Variants in CDC123 observed in about 807,000 individuals in gnomAD.
The protein encoded by CDC123 is translation initiation factor eIF2 assembly protein.
CDC123 carries 37 observed loss-of-function variants against 54.4 expected under a neutral mutation model. The ratio of observed to expected loss-of-function variants is 0.68; its 90% confidence interval spans 0.52 to 0.89. The LOEUF (loss-of-function observed/expected upper bound fraction) is 0.89. CDC123 is among the 40% of genes least tolerant of loss of function. CDC123 has a pLI of 0.00. For missense variants in CDC123, 361 were observed against 412.1 expected (o/e 0.88, Z 1.07); for synonymous variants, 144 against 136.8 (o/e 1.05, Z -0.37).
chr10:12,235,242 A>G (rs1835963376), intron 8 of CDC123, 119 bp downstream of exon 8: 9 of 788,834 alleles, frequency 1.1e-5, no homozygotes, highest in Non-Finnish European at 1.9e-5. Context: ...TTTTCATCTC[A>G]GATGCCACCT....
intron 5 of CDC123, 60 bp from the exon 6 acceptor site, chr10:12,217,301 T>G: frequency 6.5e-7 from 1 of 1,533,734 alleles, no homozygotes; most frequent in South Asian, 1.2e-5. Flanking sequence ...GTTATAGGCC[T>G]GAGCATTCAT....
At position 12,198,680 on chromosome 10, in the gene CDC123, G is replaced by A. The variant is rs1220211704; in HGVS notation, c.75-25G>A. The A allele has an allele frequency of 2.3e-6, 3 of 1,308,692 alleles. No individual in the cohort carries two copies. The Admixed American group carries it at 5.6e-5, about 25-fold the overall frequency. 81.1% of individuals were successfully genotyped at this position (1,308,692 alleles called of 1,614,324 possible). A position where few individuals can be genotyped will look rare whatever the true frequency, so the allele number is the denominator to read the frequency against. Reference sequence around the variant, plus strand: ...CTTATAGTTGGTCTTTTAAAATGATGCCTTTTTTGGTGTTTTTTTTTTAGT... The same window carrying A: ...CTTATAGTTGGTCTTTTAAAATGATACCTTTTTTGGTGTTTTTTTTTTAGT... On this transcript the variant is annotated intron_variant, in intron 1 of 12. Transcript: ENST00000281141.
intron 6 of CDC123, among the ~76,000 whole-genome samples, chr10:12,223,988 A>G (rs1835771146): frequency 6.6e-6 from 1 of 152,092 alleles, no homozygotes; most frequent in African/African-American, 2.4e-5. Flanking sequence ...ACTGTACCCA[A>G]CGTGTAGTCT....
At chr10:12,223,498 C>G (rs1298252970) in intron 6 of CDC123, among the ~76,000 whole-genome samples, 6 of 152,098 alleles carry the variant, frequency 3.9e-5, no homozygotes, top group Non-Finnish European at 8.8e-5. Context: ...GTTGGCCAGG[C>G]TGGTCTTGAA....
rs532294426 is a variant in CDC123 at position 12,249,422 on chromosome 10, C to T, written c.847-159C>T. Among the ~76,000 whole-genome samples the T allele has an allele frequency of 1.1e-4, 17 of 152,294 alleles. No individual in the cohort carries two copies. The South Asian group carries it at 2.9e-3, about 26-fold the overall frequency. On this transcript the variant is annotated intron_variant, in intron 11 of 12. Transcript: ENST00000281141. ...AGCTGGAATTACAGACGTGAGCCAC[C>T]GTGCCCGGCTCATTTTAACTTAAGC...
intron 2 of CDC123, among the ~76,000 whole-genome samples, chr10:12,209,392 A>C (rs1356068464): frequency 2.0e-5 from 3 of 151,880 alleles, no homozygotes; most frequent in Non-Finnish European, 4.4e-5. Context: ...GTTCTCCTTC[A>C]CACCTGGATA....
intron 4 of CDC123, among the ~76,000 whole-genome samples, chr10:12,212,607 G>A (rs1835617638): frequency 6.6e-6 from 1 of 152,138 alleles, no homozygotes. Flanking sequence ...TGAGTAGCAG[G>A]TACTGCAGGT....
At chr10:12,236,410 G>A (rs777229088) in intron 8 of CDC123, among the ~76,000 whole-genome samples, 69 of 151,900 alleles carry the variant, frequency 4.5e-4, no homozygotes, top group Non-Finnish European at 7.6e-4. Context: ...ACCAGCCTGC[G>A]CAATGTACTG....
Position 12,250,405 on chromosome 10 carries a change from A to G in CDC123, c.*68A>G, listed in dbSNP as rs2131776146. On this transcript the variant is annotated 3_prime_UTR_variant, in exon 13 of 13. Coordinates refer to ENST00000281141, the MANE Select transcript of CDC123 (RefSeq NM_006023.3). The stretch of plus-strand genomic sequence containing the variant: ...CTCCGGGAGCTGCTCATCAGCCGCA[A>G]CTTCCTGCCGACCCTGATGCGGGTG... 1 of 1,228,188 alleles carries G rather than the reference A, an allele frequency of 8.1e-7. No homozygotes were observed. The highest frequency in any genetic ancestry group is 1.2e-6 in the Non-Finnish European group (1 of 828,440). 76.1% of individuals were successfully genotyped at this position (1,228,188 alleles called of 1,614,324 possible).
At position 12,212,543 on chromosome 10, in the gene CDC123, G is replaced by A. The variant is rs530794019; in HGVS notation, c.237+2221G>A. Among the ~76,000 whole-genome samples, 5 of 152,284 alleles carry A rather than the reference G, an allele frequency of 3.3e-5. No homozygotes were observed. In the East Asian group the frequency reaches 5.8e-4, roughly 18 times the overall value. On this transcript the variant is annotated intron_variant, in intron 4 of 12. Transcript: ENST00000281141. ...TAAAAAGACTGACTATCACTGTGTT[G>A]CCCAGGCTGCACTCAAACTTCTGGG...
chr10:12,219,694 T>TTTG (rs1554807050), intron 6 of CDC123, among the ~76,000 whole-genome samples: 2 of 147,672 alleles, frequency 1.4e-5, no homozygotes, highest in Non-Finnish European at 1.5e-5. Flanking sequence ...ATAATGGTTT[T>TTTG]TTTTTTTTTT....
chr10:12,200,228 G>A (rs1473675854), intron 2 of CDC123, among the ~76,000 whole-genome samples: 1 of 146,078 alleles, frequency 6.8e-6, no homozygotes, highest in Non-Finnish European at 1.5e-5. Flanking sequence ...CCAGGTTCAA[G>A]TGATTTTCTT....
rs1836134453 is a variant in CDC123, at chr10:12,246,227, T to C, written c.796T>C (p.Ser266Pro). 2 of 1,614,172 alleles carry C rather than the reference T, an allele frequency of 1.2e-6. No individual in the cohort carries two copies. The highest frequency in any genetic ancestry group is 4.5e-5 in the East Asian group (2 of 44,890). Residue 266 changes from serine to proline, a missense_variant, in exon 11 of 13, where the codon TCT becomes CCT. Coordinates refer to ENST00000281141, the MANE Select transcript of CDC123 (RefSeq NM_006023.3). Reference sequence around the variant, plus strand: ...GCTGTTCACCTGGGAAGAACTGATATCTGAGAACAACTTAAACGGCGATTT... The same window carrying C: ...GCTGTTCACCTGGGAAGAACTGATACCTGAGAACAACTTAAACGGCGATTT... Reference protein sequence around the residue: ...SLLFTWEELISENNLNGDFSE... With the variant: ...SLLFTWEELIPENNLNGDFSE...
rs774688918 is a variant in CDC123, at chr10:12,215,795, G to A, written c.293G>A (p.Gly98Glu). Residue 98 changes from glycine (G) to glutamate (E), a missense_variant, in exon 5 of 13, where the codon GGG becomes GAG. Coordinates refer to ENST00000281141, the MANE Select transcript of CDC123 (RefSeq NM_006023.3). ...TKVQEAINSL[G>E]GSVFPKLNWS... Reference sequence around the variant, plus strand: ...GTCCAGGAAGCTATCAATTCCCTCGGGGGCAGTGTCTTTCCTAAGCTTAAT... The same window carrying A: ...GTCCAGGAAGCTATCAATTCCCTCGAGGGCAGTGTCTTTCCTAAGCTTAAT... The A allele has an allele frequency of 6.2e-7, 1 of 1,612,456 alleles. No homozygotes were observed. The highest frequency in any genetic ancestry group is 1.1e-5 in the South Asian group (1 of 90,720).
chr10:12,196,478 C>A (rs372795785), intron 1 of CDC123, among the ~76,000 whole-genome samples, 159 bp downstream of exon 1: 3 of 152,116 alleles, frequency 2.0e-5, no homozygotes, highest in African/African-American at 7.2e-5. Context: ...CGTCCTGTTG[C>A]GAGCCAGCGA....
intron 6 of CDC123, among the ~76,000 whole-genome samples, chr10:12,228,346 T>C (rs996771695): frequency 3.3e-5 from 5 of 152,088 alleles, no homozygotes; most frequent in Admixed American, 6.6e-5. Flanking sequence ...TAATGTACTG[T>C]TAAGTTAGTT....
chr10:12,202,490 T>C (rs1169197085), intron 2 of CDC123, among the ~76,000 whole-genome samples: 1 of 151,662 alleles, frequency 6.6e-6, no homozygotes, highest in African/African-American at 2.4e-5. Context: ...GGTCCTCCAG[T>C]CCAATTCAGT....
At chr10:12,229,331 G>C (rs1270164063) in intron 6 of CDC123, among the ~76,000 whole-genome samples, 6 of 152,190 alleles carry the variant, frequency 3.9e-5, no homozygotes, top group East Asian at 1.9e-4. Context: ...TTATAATGAA[G>C]TCCAAGTCCC....
At chr10:12,246,442 A>C (rs1836138973) in intron 11 of CDC123, 165 bp downstream of exon 11, 3 of 694,608 alleles carry the variant, frequency 4.3e-6, no homozygotes, top group Non-Finnish European at 6.9e-6. Context: ...TGGTCAAAGA[A>C]GGGGGCCCCA....
Sources: allele counts gnomAD v4.1 joint callset (sites outside exome capture counted in the v4.1 genomes callset), GRCh38; gene constraint gnomAD v4.1.1; transcripts MANE v1.5; gene names NCBI Gene and HGNC (gene_info 2026-07-23, HGNC 2026-07-21).